ACSF2: variants seen among roughly 807,000 people sequenced by gnomAD.
The protein encoded by ACSF2 is medium-chain acyl-CoA ligase ACSF2, mitochondrial.
A neutral mutation model predicts 79.3 loss-of-function variants in ACSF2; 52 were observed. The observed-to-expected ratio is 0.66, with a 90% CI of 0.53 to 0.83. The LOEUF is 0.83. Among genes scored for constraint, ACSF2 ranks in the 40% least tolerant of loss-of-function variants. The pLI is 0.00. For synonymous variants in ACSF2, 283 were observed against 312.6 expected, an observed-to-expected ratio of 0.91 and a Z score of 1.00; for missense variants, 661 against 803.3, an observed-to-expected ratio of 0.82 and a Z score of 2.14.
At chr17:50,462,154 G>T in intron 4 of ACSF2, 30 bp from the exon 5 acceptor site, 2 of 1,602,058 alleles carry the variant, frequency 1.2e-6, no homozygotes, top group South Asian at 2.2e-5. Context: ...GCTCCCCGCT[G>T]ACTGGAGGTG....
At chr17:50,440,857 C>T (rs1049701367) in intron 1 of ACSF2, among the ~76,000 whole-genome samples, 17 of 152,192 alleles carry the variant, frequency 1.1e-4, no homozygotes, top group Admixed American at 6.5e-5. Context: ...AGCTGGCTCA[C>T]AAGAGCAGAA....
chr17:50,472,416 A>G lies in ACSF2; in HGVS notation c.1324-12A>G, dbSNP rs778467728. ...GGATAGGAAGCCCCAACCTGAGGCCATCCTGTCCCAGGCCCGGATCATGAA... is the reference window on the plus strand; with the variant it reads ...GGATAGGAAGCCCCAACCTGAGGCCGTCCTGTCCCAGGCCCGGATCATGAA... On this transcript the variant is annotated splice_polypyrimidine_tract_variant and intron_variant, in intron 11 of 15. Transcript: ENST00000300441. 1.9e-5 allele frequency: 30 copies of G among 1,608,260 alleles called. No individual in the cohort carries two copies. Among genetic ancestry groups the G allele is most frequent in the Non-Finnish European group, 2.5e-5 (29 of 1,177,642 alleles).
chr17:50,451,689 A>G (rs2031687060), intron 1 of ACSF2, among the ~76,000 whole-genome samples: 1 of 152,208 alleles, frequency 6.6e-6, no homozygotes, highest in African/African-American at 2.4e-5. Flanking sequence ...ACCTCTGGTG[A>G]TCTGTTCGCC....
intron 10 of ACSF2, chr17:50,465,842 G>T (rs1825210105): frequency 6.2e-7 from 1 of 1,613,792 alleles, no homozygotes; most frequent in African/African-American, 1.3e-5. Context: ...TTTCAGCGTG[G>T]TTACACCCAG....
intron 10 of ACSF2, among the ~76,000 whole-genome samples, chr17:50,467,076 T>TC (rs2032780212): frequency 6.6e-6 from 1 of 150,758 alleles, no homozygotes; most frequent in Non-Finnish European, 1.5e-5. Flanking sequence ...CCTTGTTGGT[T>TC]CCCCACCCAA....
intron 1 of ACSF2, among the ~76,000 whole-genome samples, chr17:50,430,564 C>T (rs1294820832): frequency 6.6e-6 from 1 of 152,136 alleles, no homozygotes; most frequent in Non-Finnish European, 1.5e-5. Context: ...ACTTGGGAGG[C>T]TGAGGCAGGA....
At chr17:50,458,838 CAAT>C (rs2032169384) in intron 1 of ACSF2, among the ~76,000 whole-genome samples, 1 of 152,258 alleles carries the variant, frequency 6.6e-6, no homozygotes, top group Non-Finnish European at 1.5e-5. Context: ...AGGGGACAGA[CAAT>C]GGGCCTCAGA....
rs1347513256 is a variant in ACSF2, at chr17:50,474,499, T to C, written c.1798-3T>C. 2 of 1,614,132 alleles carry C rather than the reference T, an allele frequency of 1.2e-6. No individual in the cohort carries two copies. The highest frequency in any genetic ancestry group is 2.2e-5 in the South Asian group (2 of 91,080). ...AACCCTAACTCCATTTTCTTTCCTC[T>C]AGATCCAGAAATTCAAACTTCGAGA... On this transcript the variant is annotated splice_polypyrimidine_tract_variant and splice_region_variant and intron_variant, in intron 15 of 15. Transcript: ENST00000300441. This position sits in a 1 kb window ranked among gnomAD's most constrained non-coding sequence, Gnocchi z 4.2.
At chr17:50,466,432 C>T (rs952128956) in intron 10 of ACSF2, among the ~76,000 whole-genome samples, 5 of 152,192 alleles carry the variant, frequency 3.3e-5, no homozygotes, top group Admixed American at 6.5e-5. Context: ...ACGGAAAAAG[C>T]GCAGTCCTTT....
chr17:50,446,545 A>G (rs1400363867), intron 1 of ACSF2, among the ~76,000 whole-genome samples: 1 of 152,168 alleles, frequency 6.6e-6, no homozygotes, highest in African/African-American at 2.4e-5. Flanking sequence ...CCAGAAAAGT[A>G]CACATATTTT....
At chr17:50,456,342 A>T (rs1282664349) in intron 1 of ACSF2, among the ~76,000 whole-genome samples, 1 of 152,150 alleles carries the variant, frequency 6.6e-6, no homozygotes, top group Non-Finnish European at 1.5e-5. Flanking sequence ...AACCCTGAAG[A>T]GAGAAGCTGA....
intron 10 of ACSF2, among the ~76,000 whole-genome samples, chr17:50,467,605 G>A (rs1295571116): frequency 6.6e-6 from 1 of 152,172 alleles, no homozygotes; most frequent in Non-Finnish European, 1.5e-5. Flanking sequence ...CTCTTTGTGG[G>A]CCTGATCTGC....
At chr17:50,428,592 GGCCAACATGGAGAAACCCC>G (rs1915232876) in intron 1 of ACSF2, among the ~76,000 whole-genome samples, 1 of 151,942 alleles carries the variant, frequency 6.6e-6, no homozygotes, top group Non-Finnish European at 1.5e-5. Context: ...AGATCAGACT[GGCCAACATGGAGAAACCCC>G]ATCTCTACTA....
At position 50,462,489 on chromosome 17, in the gene ACSF2, G is replaced by A; in HGVS notation, c.696G>A (p.Val232=). The change falls in exon 6 of 16, where the codon GTG becomes GTA. Residue 232 remains valine, a synonymous_variant. Transcript: ENST00000300441. ...CGGGGACCCTGCTCCTGGATGAAGT[G>A]GTGGCGGCTGGCAGCACACGGCAGC... The part of the protein sequence containing the change: ...PLPGTLLLDE[V]VAAGSTRQHL... 6.2e-7 allele frequency: 1 copy of A among 1,613,882 alleles called. No individual in the cohort carries two copies. The highest frequency in any genetic ancestry group is 8.5e-7 in the Non-Finnish European group (1 of 1,179,996).
At position 50,468,905 on chromosome 17, in the gene ACSF2, T is replaced by C. The variant is rs1046520210; in HGVS notation, c.1216-2123T>C. The stretch of plus-strand genomic sequence containing the variant: ...TAGGCGCTCGGGTCTGCCGCCCTCT[T>C]TATACGGTGGCCCTGACCGCAGCCG... On this transcript the variant is annotated intron_variant, in intron 10 of 15. Coordinates refer to ENST00000300441, the MANE Select transcript of ACSF2 (RefSeq NM_025149.6). 2.8e-6 allele frequency: 4 copies of C among 1,424,668 alleles called. No individual in the cohort carries two copies. In the African/African-American group the frequency reaches 5.9e-5, roughly 21 times the overall value. The allele number at this position is 1,424,668 out of a possible 1,614,324, so 88.3% of individuals were successfully genotyped here. A position where few individuals can be genotyped will look rare whatever the true frequency, so the allele number is the denominator to read the frequency against.
At chr17:50,438,087 G>C (rs1391412852) in intron 1 of ACSF2, among the ~76,000 whole-genome samples, 3 of 152,126 alleles carry the variant, frequency 2.0e-5, no homozygotes, top group Non-Finnish European at 4.4e-5. Flanking sequence ...CAGTATCTAT[G>C]GGGGGTTGGT....
rs955877173 is a variant in ACSF2 at position 50,471,192 on chromosome 17, C to G, written c.1323+57C>G. On this transcript the variant is annotated intron_variant, in intron 11 of 15. Coordinates refer to ENST00000300441, the MANE Select transcript of ACSF2 (RefSeq NM_025149.6). This position sits in a 1 kb window ranked among gnomAD's most constrained non-coding sequence, Gnocchi z 4.1. ...CCTCCCGTCACCCAGCTGGGGTGCA[C>G]CCAGCTGGGACATCGGTTGCTTTCA... The G allele has an allele frequency of 5.5e-6, 8 of 1,446,124 alleles. No homozygotes were observed. Among genetic ancestry groups the G allele is most frequent in the Non-Finnish European group, 7.8e-6 (8 of 1,029,168 alleles). 89.6% of individuals were successfully genotyped at this position (1,446,124 alleles called of 1,614,324 possible). A position where few individuals can be genotyped will look rare whatever the true frequency, so the allele number is the denominator to read the frequency against.
At chr17:50,443,398 G>A (rs936930920) in intron 1 of ACSF2, among the ~76,000 whole-genome samples, 1 of 152,200 alleles carries the variant, frequency 6.6e-6, no homozygotes, top group African/African-American at 2.4e-5. Context: ...AGGTTTTGAA[G>A]CTAACACAGT....
At position 50,473,703 on chromosome 17, in the gene ACSF2, T is replaced by C. The variant is rs1245511765; in HGVS notation, c.1514T>C (p.Ile505Thr). 6.2e-7 allele frequency: 1 copy of C among 1,614,050 alleles called. No individual in the cohort carries two copies. Among genetic ancestry groups the C allele is most frequent in the Non-Finnish European group, 8.5e-7 (1 of 1,180,038 alleles). ...ATGAATGAGCAGGGCTTCTGCAAGA[T>C]CGTGGGCCGCTCTAAGGATATGATC... ...ATMNEQGFCK[I>T]VGRSKDMIIR... Residue 505 changes from isoleucine to threonine, a missense_variant, in exon 13 of 16, where the codon ATC becomes ACC. Ile to Thr is a moderately conservative substitution (Grantham distance 89). Transcript: ENST00000300441.
Sources: allele counts gnomAD v4.1 joint callset (sites outside exome capture counted in the v4.1 genomes callset), GRCh38; gene constraint gnomAD v4.1.1; non-coding constraint Gnocchi (gnomAD v3.1); transcripts MANE v1.5; gene names NCBI Gene and HGNC (gene_info 2026-07-23, HGNC 2026-07-21).